Variants in FBXO34 observed in about 807,000 individuals in gnomAD.
The protein encoded by FBXO34 is F-box only protein 34.
FBXO34 carries 12 observed loss-of-function variants against 24.5 expected under a neutral mutation model. That is an observed-to-expected ratio of 0.49 (90% CI 0.31 to 0.79). The LOEUF is 0.79. FBXO34 is among the 30% of genes least tolerant of loss of function. FBXO34 has a pLI of 0.04. For missense variants in FBXO34, 823 were observed against 857.7 expected (o/e 0.96, Z 0.51); for synonymous variants, 320 against 311.9 (o/e 1.03, Z -0.27).
chr14:55,281,007 TAACAC>T (rs1377886325), intron 1 of FBXO34, among the ~76,000 whole-genome samples: 1 of 152,126 alleles, frequency 6.6e-6, no homozygotes, highest in African/African-American at 2.4e-5. Flanking sequence ...AAAAATACGT[TAACAC>T]AATATATCCA....
At chr14:55,441,951 C>T in the FBXO34 span, among the ~76,000 whole-genome samples, 42 of 151,160 alleles carry the variant, frequency 2.8e-4, no homozygotes, top group Admixed American at 7.3e-4. Flanking sequence ...TTAGTAGAGA[C>T]GAGTTTTCAC....
At chr14:55,338,511 T>C (rs530723165) in intron 1 of FBXO34, among the ~76,000 whole-genome samples, 22 of 152,286 alleles carry the variant, frequency 1.4e-4, no homozygotes, top group African/African-American at 5.3e-4. Context: ...TAGTAAACAT[T>C]GTAGAGGTAT....
the FBXO34 span, among the ~76,000 whole-genome samples, chr14:55,427,438 G>T: frequency 6.6e-6 from 1 of 152,160 alleles, no homozygotes; most frequent in African/African-American, 2.4e-5. Flanking sequence ...TATCTGAAAG[G>T]AAAGCTAACA....
chr14:55,424,323 C>T, the FBXO34 span: 1 of 994,558 alleles, frequency 1.0e-6, no homozygotes, highest in Non-Finnish European at 1.6e-6. Flanking sequence ...ATGTAAGGCC[C>T]AGTATATTAA....
chr14:55,379,940 C>A, the FBXO34 span, among the ~76,000 whole-genome samples: 2,973 of 152,046 alleles, frequency 0.02, 77 homozygotes, highest in African/African-American at 0.068. Context: ...TATTAAAAAA[C>A]AACAACAACA....
chr14:55,361,057 A>C (rs990746926), intron 3 of FBXO34, among the ~76,000 whole-genome samples: 1 of 152,194 alleles, frequency 6.6e-6, no homozygotes, highest in Non-Finnish European at 1.5e-5. Context: ...AAATGTTTTT[A>C]ATGGCATCCA....
the FBXO34 span, among the ~76,000 whole-genome samples, chr14:55,409,843 C>A: frequency 2.6e-5 from 4 of 152,174 alleles, no homozygotes; most frequent in Non-Finnish European, 4.4e-5. Context: ...AGTAGCATAA[C>A]TGTGGCTGCA....
the FBXO34 span, among the ~76,000 whole-genome samples, chr14:55,425,918 T>A: frequency 1.3e-5 from 2 of 152,226 alleles, no homozygotes; most frequent in Non-Finnish European, 2.9e-5. Context: ...TACATGGTAG[T>A]CACCTAGATC....
intron 1 of FBXO34, among the ~76,000 whole-genome samples, chr14:55,313,541 G>GT (rs1189776757): frequency 1.3e-5 from 2 of 152,104 alleles, no homozygotes; most frequent in African/African-American, 4.8e-5. Context: ...TCACATTGCT[G>GT]TAAAAAAAAC....
chr14:55,424,390 T>A, the FBXO34 span: 1 of 567,044 alleles, frequency 1.8e-6, no homozygotes, highest in East Asian at 2.8e-5. Context: ...ACTTTTTAAC[T>A]ATCTTGATGA....
At chr14:55,426,157 C>G in the FBXO34 span, among the ~76,000 whole-genome samples, 4 of 151,768 alleles carry the variant, frequency 2.6e-5, no homozygotes, top group Non-Finnish European at 4.4e-5. Context: ...ATACCAGCTA[C>G]TCAGGAGGCT....
At chr14:55,434,166 G>A in the FBXO34 span, among the ~76,000 whole-genome samples, 2 of 152,154 alleles carry the variant, frequency 1.3e-5, no homozygotes, top group African/African-American at 4.8e-5. Context: ...GTATGTTAAA[G>A]GCTCACCAAG....
At chr14:55,380,875 A>ATATT in the FBXO34 span, among the ~76,000 whole-genome samples, 5 of 112,728 alleles carry the variant, frequency 4.4e-5, no homozygotes, top group South Asian at 2.9e-4. Context: ...ATATATATAT[A>ATATT]TTTTTTTTTT....
rs1317888908 is a variant in FBXO34 at position 55,352,486 on chromosome 14, A to G, written c.2096A>G (p.His699Arg). The G allele has an allele frequency of 1.2e-6, 2 of 1,612,710 alleles. No homozygotes were observed. Among genetic ancestry groups the G allele is most frequent in the Admixed American group, 1.7e-5 (1 of 59,818 alleles). ...TGCCACAGCTTTAATCGGGCAATCC[A>G]TAAGAAAGCAAAAGGGACTGAAGCT... ...PACHSFNRAI[H>R]KKAKGTEAEE... Residue 699 changes from histidine to arginine, a missense_variant, in exon 2 of 2, where the codon CAT becomes CGT. By Grantham distance (29) the His-to-Arg change is conservative (BLOSUM62 0). Transcript: ENST00000313833.
At chr14:55,291,953 A>G (rs949981345) in intron 1 of FBXO34, among the ~76,000 whole-genome samples, 4 of 152,128 alleles carry the variant, frequency 2.6e-5, no homozygotes, top group African/African-American at 9.7e-5. Flanking sequence ...GTGACAAAGT[A>G]AGACCTCATT....
At chr14:55,435,009 A>T in the FBXO34 span, among the ~76,000 whole-genome samples, 4 of 152,218 alleles carry the variant, frequency 2.6e-5, no homozygotes, top group Non-Finnish European at 5.9e-5. Flanking sequence ...TAAACAAGCC[A>T]TTGAAAACAG....
At chr14:55,378,175 C>A in the FBXO34 span, 2 of 889,314 alleles carry the variant, frequency 2.2e-6, no homozygotes, top group South Asian at 1.6e-5. Flanking sequence ...ATACTCTGTG[C>A]CCTTTTACTC....
At chr14:55,399,786 C>T in the FBXO34 span, among the ~76,000 whole-genome samples, 1 of 152,310 alleles carries the variant, frequency 6.6e-6, no homozygotes, top group African/African-American at 2.4e-5. Flanking sequence ...ATCTTGACTT[C>T]AGAGGCCATA....
chr14:55,367,534 G>C (rs578256473), exon 3 of FBXO34: 10 of 152,310 alleles, frequency 6.6e-5, no homozygotes, highest in African/African-American at 2.4e-4. Context: ...CCTGAAGTCA[G>C]GAGTTCAAGA....
Sources: gnomAD v4.1 joint callset for allele counts (sites outside exome capture counted in the v4.1 genomes callset) on GRCh38, gnomAD v4.1.1 for gene constraint, MANE v1.5 for transcripts, NCBI Gene and HGNC (gene_info 2026-07-23, HGNC 2026-07-21) for gene names.